The following EHD3 variants were observed in gnomAD, a reference collection of about 807,000 sequenced individuals.
EHD3 encodes EH domain-containing protein 3.
Under a neutral mutation model 43.0 loss-of-function variants are expected in EHD3, and 17 were observed. The ratio of observed to expected loss-of-function variants is 0.40; its 90% CI spans 0.27 to 0.59. The LOEUF is 0.59. EHD3 is among the 20% of genes least tolerant of loss of function. EHD3 has a pLI of 0.49. For synonymous variants in EHD3, 313 were observed against 289.5 expected (o/e 1.08, Z -0.82); for missense variants, 594 against 705.6 (o/e 0.84, Z 1.79).
At position 31,266,278 on chromosome 2, in the gene EHD3, G is replaced by A. The variant is rs1261843906; in HGVS notation, c.1182G>A (p.Met394Ile). 3 of 1,614,068 alleles carry A rather than the reference G, an allele frequency of 1.9e-6. No homozygotes were observed. Among genetic ancestry groups the A allele is most frequent in the African/African-American group, 2.7e-5 (2 of 74,932 alleles). Reference sequence around the variant, plus strand: ...TGGCCCATGACATTGCCCAGCTCATGGTGCTAGTGCGCCAGGAGGAGTCAC... The same window carrying A: ...TGGCCCATGACATTGCCCAGCTCATAGTGCTAGTGCGCCAGGAGGAGTCAC... ...DMLAHDIAQL[M>I]VLVRQEESQR... is the part of the protein sequence containing the mutation. The change falls in exon 6 of 6, where the codon ATG (methionine) becomes ATA (isoleucine). Residue 394 changes from methionine (M) to isoleucine (I), a missense_variant. This residue lies in a region of EHD3 where 322 missense variants were observed against 348.0 expected (regional missense o/e 0.93). Transcript: ENST00000322054. The surrounding 1 kb of genome is among the most constrained non-coding windows in gnomAD (Gnocchi z 5.1).
chr2:31,264,768 C>A (rs996803133), intron 5 of EHD3, among the ~76,000 whole-genome samples: 1 of 151,734 alleles, frequency 6.6e-6, no homozygotes, highest in African/African-American at 2.4e-5. Flanking sequence ...CTCTTGACCT[C>A]GTGATCCGCC....
In EHD3 at chr2:31,266,761, T is replaced by TACACACAC. The variant is rs67643147; in HGVS notation, c.*83_*90dup. ...TAGAGGAGGAGATGGGAGCGGTGAC[T>TACACACAC]ACACACACACACACACACACACACA... is the stretch of plus-strand genomic sequence containing the variant. On this transcript the variant is annotated 3_prime_UTR_variant, in exon 6 of 6. Transcript: ENST00000322054. This position sits in a 1 kb window ranked among gnomAD's most constrained non-coding sequence, Gnocchi z 5.1. The TACACACAC allele has an allele frequency of 9.7e-4, 1,146 of 1,179,106 alleles. 1 individual carries two copies. Among genetic ancestry groups the TACACACAC allele is most frequent in the African/African-American group, 7.9e-3 (483 of 61,494 alleles). The allele number at this position is 1,179,106 out of a possible 1,614,324, so 73.0% of individuals were successfully genotyped here.
At position 31,268,454 on chromosome 2, in the gene EHD3, T is replaced by C. The variant is rs1255339370; in HGVS notation, c.*1750T>C. ...TGAGGGAGAAGGGCTGGGTTCTTAC[T>C]TGGAGTTCCTGGTGAAATCTTTGGC... On this transcript the variant is annotated 3_prime_UTR_variant, in exon 6 of 6. Coordinates refer to ENST00000322054, the MANE Select transcript of EHD3 (RefSeq NM_014600.3). 1 of 152,512 alleles carries C rather than the reference T, an allele frequency of 6.6e-6. No homozygotes were observed. The highest frequency in any genetic ancestry group is 1.5e-5 in the Non-Finnish European group (1 of 68,082). The allele number at this position is 152,512 out of a possible 1,614,324, so 9.4% of individuals were successfully genotyped here. A position where few individuals can be genotyped will look rare whatever the true frequency, so the allele number is the denominator to read the frequency against.
intron 5 of EHD3, 131 bp downstream of exon 5, chr2:31,261,844 G>GAC: frequency 1.0e-6 from 1 of 996,780 alleles, no homozygotes; most frequent in South Asian, 2.9e-5. Context: ...GCAAGGAGGT[G>GAC]GCCCTGGATC....
At chr2:31,252,475 T>C (rs1309813307) in intron 3 of EHD3, among the ~76,000 whole-genome samples, 1 of 152,202 alleles carries the variant, frequency 6.6e-6, no homozygotes, top group Non-Finnish European at 1.5e-5. Context: ...GTTGTTGTTG[T>C]TGCTGTTGTT....
chr2:31,264,003 T>A (rs925381376), intron 5 of EHD3, among the ~76,000 whole-genome samples: 1 of 152,254 alleles, frequency 6.6e-6, no homozygotes, highest in Admixed American at 6.5e-5. Flanking sequence ...CATGCCCACC[T>A]GCCTGCCTGT....
chr2:31,250,706 G>T (rs148278029), intron 3 of EHD3, among the ~76,000 whole-genome samples: 2 of 152,198 alleles, frequency 1.3e-5, no homozygotes, highest in African/African-American at 4.8e-5. Flanking sequence ...TCTGTGCCAT[G>T]TGTTGTATCT....
At chr2:31,253,246 C>CCACACACACA (rs34392955) in intron 3 of EHD3, among the ~76,000 whole-genome samples, 261 of 142,096 alleles carry the variant, frequency 1.8e-3, no homozygotes, top group African/African-American at 5.6e-3. Context: ...CAACCCCCTC[C>CCACACACACA]CACACACACA....
intron 5 of EHD3, among the ~76,000 whole-genome samples, chr2:31,264,596 G>A (rs958096648): frequency 3.6e-5 from 5 of 138,190 alleles, no homozygotes; most frequent in African/African-American, 1.1e-4. Context: ...GTGCAGTGGC[G>A]CGATCTCGGC....
At chr2:31,239,806 G>T (rs564599919) in intron 1 of EHD3, among the ~76,000 whole-genome samples, 3 of 150,980 alleles carry the variant, frequency 2.0e-5, no homozygotes, top group African/African-American at 4.9e-5. Context: ...TCCAGGCACC[G>T]CGCATGGGGC....
chr2:31,242,740 C>A (rs965789421), intron 1 of EHD3, among the ~76,000 whole-genome samples: 1 of 152,090 alleles, frequency 6.6e-6, no homozygotes, highest in African/African-American at 2.4e-5. Context: ...AGGTGGATCA[C>A]CTGAGGTCGG....
intron 5 of EHD3, among the ~76,000 whole-genome samples, chr2:31,264,849 C>A (rs1379288225): frequency 6.6e-6 from 1 of 152,130 alleles, no homozygotes; most frequent in Non-Finnish European, 1.5e-5. Context: ...GTTTTTGACT[C>A]TTGTTGTAAC....
intron 1 of EHD3, among the ~76,000 whole-genome samples, chr2:31,237,653 C>T (rs1425514246): frequency 6.6e-6 from 1 of 152,188 alleles, no homozygotes; most frequent in African/African-American, 2.4e-5. Flanking sequence ...GATCCACCCA[C>T]CTCAGCCTCC....
At position 31,242,554 on chromosome 2, in the gene EHD3, T is replaced by C. The variant is rs79543852; in HGVS notation, c.228-1720T>C. On this transcript the variant is annotated intron_variant, in intron 1 of 5. Transcript: ENST00000322054. ...TGCTGAACATACCTATTTTGCCAGG[T>C]ACTATACAAGGCATTTTGAATGTAG... Among the ~76,000 whole-genome samples the C allele has an allele frequency of 9.4e-3, 1,438 of 152,346 alleles. 6 individuals carry two copies. Among genetic ancestry groups the C allele is most frequent in the Non-Finnish European group, 0.013 (857 of 68,024 alleles).
At position 31,261,608 on chromosome 2, in the gene EHD3, CAACAAG is replaced by C; in HGVS notation, c.978_983del (p.Asn326_Lys327del). On this transcript the variant is annotated inframe_deletion, in exon 5 of 6. Transcript: ENST00000322054. Reference sequence around the variant, plus strand: ...AGATGCCCTCGGTGTTCGGGAAGGACAACAAGAAGAAGGAGCTGGTCAACAACCTGG... The same window carrying C: ...AGATGCCCTCGGTGTTCGGGAAGGACAAGAAGGAGCTGGTCAACAACCTGG... 1 of 1,614,180 alleles carries C rather than the reference CAACAAG, an allele frequency of 6.2e-7. No individual in the cohort carries two copies. Among genetic ancestry groups the C allele is most frequent in the African/African-American group, 1.3e-5 (1 of 75,042 alleles).
Position 31,244,409 on chromosome 2 carries a change from C to T in EHD3, c.363C>T (p.Pro121=). The part of the protein sequence containing the change: ...GNALVVDPKK[P]FRKLNAFGNA... Reference sequence around the variant, plus strand: ...CCCTGGTGGTGGATCCCAAGAAACCCTTCAGGAAACTCAACGCCTTTGGCA... The same window carrying T: ...CCCTGGTGGTGGATCCCAAGAAACCTTTCAGGAAACTCAACGCCTTTGGCA... Residue 121 remains proline (P), a synonymous_variant, in exon 2 of 6, where the codon CCC becomes CCT. Transcript: ENST00000322054. The T allele has an allele frequency of 6.2e-7, 1 of 1,614,166 alleles. No individual in the cohort carries two copies. The highest frequency in any genetic ancestry group is 1.3e-5 in the African/African-American group (1 of 75,052).
Position 31,260,158 on chromosome 2 carries a change from G to A in EHD3, c.503-352G>A, listed in dbSNP as rs1312635411. On this transcript the variant is annotated intron_variant, in intron 3 of 5. Coordinates refer to ENST00000322054, the MANE Select transcript of EHD3 (RefSeq NM_014600.3). The surrounding 1 kb of genome is among the most constrained non-coding windows in gnomAD (Gnocchi z 4.6). Reference sequence around the variant, plus strand: ...AGAGGTTGCAGTGAGCAGAGGCAGTGCCACTACACTCCAGCCTGGGTGAGA... The same window carrying A: ...AGAGGTTGCAGTGAGCAGAGGCAGTACCACTACACTCCAGCCTGGGTGAGA... Among the ~76,000 whole-genome samples, 1 of 152,014 alleles carries A rather than the reference G, an allele frequency of 6.6e-6. No individual in the cohort carries two copies. The highest frequency in any genetic ancestry group is 1.5e-5 in the Non-Finnish European group (1 of 68,014).
intron 1 of EHD3, among the ~76,000 whole-genome samples, chr2:31,236,402 C>T (rs1354139057): frequency 6.6e-6 from 1 of 152,198 alleles, no homozygotes. Context: ...GTACGTACAT[C>T]CCAAATTTGC....
intron 2 of EHD3, among the ~76,000 whole-genome samples, chr2:31,246,013 G>T (rs1440748099): frequency 6.6e-6 from 1 of 152,136 alleles, no homozygotes; most frequent in Non-Finnish European, 1.5e-5. Context: ...AGTGGCCAAG[G>T]TGTGCGCCCA....
Sources: allele counts gnomAD v4.1 joint callset (sites outside exome capture counted in the v4.1 genomes callset), GRCh38; gene constraint gnomAD v4.1.1; regional missense constraint gnomAD v4.1.1; non-coding constraint Gnocchi (gnomAD v3.1); transcripts MANE v1.5; gene names NCBI Gene and HGNC (gene_info 2026-07-23, HGNC 2026-07-21).